The following CDK14 variants were observed in gnomAD, a reference collection of about 807,000 sequenced individuals.
The protein encoded by CDK14 is cyclin-dependent kinase 14.
Under a neutral mutation model 60.7 loss-of-function variants are expected in CDK14, and 34 were observed. The observed-to-expected ratio is 0.56, with a 90% CI of 0.43 to 0.75. The LOEUF is 0.75. Ranked by LOEUF, CDK14 falls within the 30% of genes least tolerant of loss-of-function variation. CDK14 has a pLI of 0.00. For synonymous variants in CDK14, 197 were observed against 203.7 expected, an observed-to-expected ratio of 0.97 and a Z score of 0.28; for missense variants, 482 against 564.1, an observed-to-expected ratio of 0.85 and a Z score of 1.47.
At chr7:91,041,076 G>A (rs1797076643) in intron 10 of CDK14, among the ~76,000 whole-genome samples, 1 of 152,244 alleles carries the variant, frequency 6.6e-6, no homozygotes, top group Non-Finnish European at 1.5e-5. Context: ...ACACCTGCCA[G>A]GGCAGAGGCA....
intron 14 of CDK14, among the ~76,000 whole-genome samples, chr7:91,179,279 T>A (rs1458559598): frequency 6.9e-6 from 1 of 144,058 alleles, no homozygotes; most frequent in African/African-American, 2.6e-5. Context: ...CCGCATATTC[T>A]CACTCATAGG....
chr7:90,838,787 T>C (rs947114297), intron 5 of CDK14, among the ~76,000 whole-genome samples: 1 of 152,170 alleles, frequency 6.6e-6, no homozygotes, highest in African/African-American at 2.4e-5. Flanking sequence ...TGTTTCCTGT[T>C]AAGATGTTTA....
chr7:90,854,927 C>T (rs79289527), intron 5 of CDK14, among the ~76,000 whole-genome samples: 3,234 of 152,262 alleles, frequency 0.021, 50 homozygotes, highest in Non-Finnish European at 0.033. Context: ...CATTTCCTTT[C>T]CCCAGAAGTT....
chr7:91,014,050 C>T (rs1041138667), intron 10 of CDK14, among the ~76,000 whole-genome samples: 1 of 151,862 alleles, frequency 6.6e-6, no homozygotes, highest in African/African-American at 2.4e-5. Context: ...GGTATTAGAA[C>T]CTTGAAATAT....
chr7:91,189,679 G>C (rs1659227973), intron 14 of CDK14, among the ~76,000 whole-genome samples: 1 of 152,136 alleles, frequency 6.6e-6, no homozygotes, highest in South Asian at 2.1e-4. Context: ...ATGCTGTAAA[G>C]AGTGTCGATG....
intron 8 of CDK14, among the ~76,000 whole-genome samples, chr7:90,930,359 A>G (rs1457865284): frequency 6.6e-6 from 1 of 152,164 alleles, no homozygotes; most frequent in Non-Finnish European, 1.5e-5. Flanking sequence ...TAAAAATATC[A>G]GTTCCCTACA....
intron 11 of CDK14, among the ~76,000 whole-genome samples, chr7:91,056,659 T>G (rs1797575866): frequency 6.6e-6 from 1 of 150,936 alleles, no homozygotes; most frequent in Non-Finnish European, 1.5e-5. Context: ...ACATGCAGTG[T>G]TTGGTTTTTT....
intron 2 of CDK14, among the ~76,000 whole-genome samples, chr7:90,717,135 A>G (rs955624115): frequency 1.3e-5 from 2 of 152,166 alleles, no homozygotes; most frequent in Non-Finnish European, 2.9e-5. Context: ...ACCTTACGTT[A>G]AATTTATCAT....
At chr7:90,658,410 A>C in intron 2 of CDK14, among the ~76,000 whole-genome samples, 1 of 152,158 alleles carries the variant, frequency 6.6e-6, no homozygotes, top group Middle Eastern at 3.2e-3. Flanking sequence ...GCCCTTTATA[A>C]GGGCACTTAT....
At chr7:90,746,096 C>T (rs1290188638) in intron 3 of CDK14, among the ~76,000 whole-genome samples, 2 of 152,134 alleles carry the variant, frequency 1.3e-5, no homozygotes, top group Admixed American at 6.5e-5. Context: ...TCATGTTCAC[C>T]TAGAGGTTCT....
At chr7:91,095,110 TAGAC>T (rs1376643050) in intron 12 of CDK14, among the ~76,000 whole-genome samples, 69 of 152,284 alleles carry the variant, frequency 4.5e-4, no homozygotes, top group African/African-American at 1.4e-3. Context: ...AAACAAAAAA[TAGAC>T]AGTATAATCT....
intron 14 of CDK14, among the ~76,000 whole-genome samples, chr7:91,188,529 G>A (rs1021312641): frequency 1.3e-5 from 2 of 152,134 alleles, no homozygotes; most frequent in Non-Finnish European, 2.9e-5. Flanking sequence ...GGGCCAAAGT[G>A]TAGTATATGT....
At chr7:91,016,931 A>C (rs1796316610) in intron 10 of CDK14, among the ~76,000 whole-genome samples, 1 of 152,200 alleles carries the variant, frequency 6.6e-6, no homozygotes, top group Non-Finnish European at 1.5e-5. Flanking sequence ...CATTGGGCCT[A>C]TTTTTCCTAT....
At chr7:91,027,233 A>C (rs1178147280) in intron 10 of CDK14, among the ~76,000 whole-genome samples, 2 of 152,240 alleles carry the variant, frequency 1.3e-5, no homozygotes, top group Non-Finnish European at 2.9e-5. Context: ...GGTAACTCAC[A>C]ACAATCTAAG....
At chr7:91,188,182 A>C (rs954426191) in intron 14 of CDK14, among the ~76,000 whole-genome samples, 4 of 151,516 alleles carry the variant, frequency 2.6e-5, no homozygotes, top group Non-Finnish European at 4.4e-5. Flanking sequence ...TGTGTGATTC[A>C]TTTTTTTTTA....
At chr7:90,863,121 ATTAG>A in intron 5 of CDK14, 50 bp from the exon 6 acceptor site, 1 of 936,012 alleles carries the variant, frequency 1.1e-6, no homozygotes, top group Admixed American at 1.9e-5. Flanking sequence ...AATGGTATAT[ATTAG>A]TTGATTGTTA....
intron 5 of CDK14, among the ~76,000 whole-genome samples, chr7:90,854,984 A>G (rs1022328424): frequency 2.0e-5 from 3 of 152,164 alleles, no homozygotes; most frequent in East Asian, 1.9e-4. Flanking sequence ...TCTAGCATTT[A>G]TGTAGTACCT....
At chr7:90,678,226 G>T (rs1801239436) in intron 2 of CDK14, among the ~76,000 whole-genome samples, 1 of 152,166 alleles carries the variant, frequency 6.6e-6, no homozygotes, top group African/African-American at 2.4e-5. Flanking sequence ...ATGGGCGGTT[G>T]GTGGGTTCTC....
chr7:90,603,409 A>G (rs10281028), intron 1 of CDK14, among the ~76,000 whole-genome samples: 48,167 of 152,116 alleles, frequency 0.32, 8,671 homozygotes, highest in East Asian at 0.67. Context: ...CCATTGTGTT[A>G]CAGTTGCCTA....
Sources: allele counts gnomAD v4.1 joint callset (sites outside exome capture counted in the v4.1 genomes callset), GRCh38; gene constraint gnomAD v4.1.1; transcripts MANE v1.5; gene names NCBI Gene and HGNC (gene_info 2026-07-23, HGNC 2026-07-21).